PTPRD: variants seen among roughly 807,000 people sequenced by gnomAD.
PTPRD encodes the protein receptor-type tyrosine-protein phosphatase delta.
PTPRD carries 34 observed loss-of-function variants against 214.5 expected under a neutral mutation model. The observed-to-expected ratio is 0.16, with a 90% confidence interval of 0.12 to 0.21. The LOEUF is 0.21. Ranked by LOEUF, PTPRD falls within the 10% of genes least tolerant of loss-of-function variation. The pLI is 1.00. For missense variants in PTPRD, 2,545 were observed against 2,398.7 expected, an observed-to-expected ratio of 1.06 and a Z score of -1.27; for synonymous variants, 1,128 against 845.7, an observed-to-expected ratio of 1.33 and a Z score of -5.79.
At chr9:8,556,965 T>C (rs1294615919) in intron 14 of PTPRD, among the ~76,000 whole-genome samples, 1 of 152,168 alleles carries the variant, frequency 6.6e-6, no homozygotes, top group Non-Finnish European at 1.5e-5. Context: ...AATTCTCCCA[T>C]TATATAAATT....
chr9:9,694,330 C>G (rs997790630), intron 7 of PTPRD, among the ~76,000 whole-genome samples: 1 of 151,898 alleles, frequency 6.6e-6, no homozygotes, highest in East Asian at 1.9e-4. Flanking sequence ...TCTTGGTGGT[C>G]TTGGATAAGA....
intron 2 of PTPRD, among the ~76,000 whole-genome samples, chr9:10,558,440 G>T (rs1287936782): frequency 1.3e-5 from 2 of 152,014 alleles, no homozygotes; most frequent in African/African-American, 4.8e-5. Flanking sequence ...ATCCACCAAG[G>T]AGATGTACCT....
At chr9:9,114,912 A>T (rs1024375062) in intron 10 of PTPRD, among the ~76,000 whole-genome samples, 5 of 152,232 alleles carry the variant, frequency 3.3e-5, no homozygotes, top group African/African-American at 1.2e-4. Context: ...ATTTGAATTT[A>T]AACTGTGCTG....
chr9:10,202,204 C>G (rs1241433849), intron 3 of PTPRD, among the ~76,000 whole-genome samples: 1 of 151,950 alleles, frequency 6.6e-6, no homozygotes, highest in East Asian at 1.9e-4. Context: ...ACCTTAGCCT[C>G]CAAAAGAGAG....
chr9:9,557,981 C>A (rs554979486), intron 8 of PTPRD, among the ~76,000 whole-genome samples: 1 of 152,292 alleles, frequency 6.6e-6, no homozygotes, highest in African/African-American at 2.4e-5. Context: ...CTGCTTGAGC[C>A]AGCAGCCTGC....
intron 4 of PTPRD, among the ~76,000 whole-genome samples, chr9:9,980,883 A>G (rs2154065587): frequency 6.6e-6 from 1 of 152,002 alleles, no homozygotes; most frequent in African/African-American, 2.4e-5. Context: ...TGCTAATTTA[A>G]CCATGTTACA....
intron 5 of PTPRD, among the ~76,000 whole-genome samples, chr9:9,909,894 T>C (rs7870034): frequency 0.019 from 2,890 of 152,050 alleles, 87 homozygotes; most frequent in African/African-American, 0.065. Context: ...TTTTTCTTTA[T>C]AGTAAAGTAA....
intron 7 of PTPRD, among the ~76,000 whole-genome samples, chr9:9,667,919 G>A (rs552622282): frequency 6.6e-6 from 1 of 152,212 alleles, no homozygotes; most frequent in African/African-American, 2.4e-5. Context: ...CTTAGCAATG[G>A]AACAATTACA....
chr9:8,961,278 C>T (rs770799444), intron 11 of PTPRD, among the ~76,000 whole-genome samples: 23 of 152,226 alleles, frequency 1.5e-4, no homozygotes, highest in Non-Finnish European at 2.8e-4. Flanking sequence ...ACATAAAACA[C>T]AATGGTATCT....
intron 10 of PTPRD, among the ~76,000 whole-genome samples, chr9:9,110,517 T>A (rs2099804571): frequency 1.3e-5 from 2 of 152,092 alleles, no homozygotes. Context: ...CACCTCTTCT[T>A]CTCCACTCTT....
intron 30 of PTPRD, among the ~76,000 whole-genome samples, chr9:8,481,712 G>A (rs1225844159): frequency 2.0e-5 from 3 of 152,080 alleles, no homozygotes; most frequent in Non-Finnish European, 2.9e-5. Flanking sequence ...TTGCTTCAAT[G>A]ATTCTGTCTT....
chr9:8,933,199 C>G (rs965088491), intron 11 of PTPRD, among the ~76,000 whole-genome samples: 1 of 152,016 alleles, frequency 6.6e-6, no homozygotes, highest in Non-Finnish European at 1.5e-5. Flanking sequence ...GGGCTGCACC[C>G]ACTCTCTAAC....
intron 2 of PTPRD, among the ~76,000 whole-genome samples, chr9:10,485,631 G>T (rs1044496821): frequency 6.6e-6 from 1 of 151,962 alleles, no homozygotes; most frequent in Non-Finnish European, 1.5e-5. Flanking sequence ...TATTGTCAAT[G>T]AAATTTTTAA....
chr9:8,669,828 G>C (rs1484743780), intron 12 of PTPRD, among the ~76,000 whole-genome samples: 1 of 152,170 alleles, frequency 6.6e-6, no homozygotes, highest in African/African-American at 2.4e-5. Flanking sequence ...ATAATGTAGA[G>C]CCTGTGAAGG....
At chr9:10,145,749 T>A (rs937552098) in intron 3 of PTPRD, among the ~76,000 whole-genome samples, 2 of 152,050 alleles carry the variant, frequency 1.3e-5, no homozygotes, top group African/African-American at 4.8e-5. Flanking sequence ...CACGTATATA[T>A]ACACACACAG....
chr9:8,965,820 T>C (rs754676064), intron 11 of PTPRD, among the ~76,000 whole-genome samples: 1 of 152,200 alleles, frequency 6.6e-6, no homozygotes, highest in South Asian at 2.1e-4. Flanking sequence ...ATAAAAGGCA[T>C]CCAAATAGGA....
At chr9:9,671,612 G>A (rs1024932525) in intron 7 of PTPRD, among the ~76,000 whole-genome samples, 1 of 152,088 alleles carries the variant, frequency 6.6e-6, no homozygotes, top group Admixed American at 6.6e-5. Flanking sequence ...GACCCAGTGG[G>A]AGATAATTTG....
chr9:8,415,444 A>G (rs998679825), intron 35 of PTPRD, among the ~76,000 whole-genome samples: 2 of 152,216 alleles, frequency 1.3e-5, no homozygotes, highest in African/African-American at 4.8e-5. Flanking sequence ...TTCTATAGAC[A>G]TGATTTTTAA....
At chr9:9,825,530 C>T (rs1598881899) in intron 5 of PTPRD, among the ~76,000 whole-genome samples, 1 of 151,970 alleles carries the variant, frequency 6.6e-6, no homozygotes, top group East Asian at 1.9e-4. Flanking sequence ...TGCATATAGA[C>T]ACTGCATACT....
Sources: gnomAD v4.1 joint callset for allele counts (sites outside exome capture counted in the v4.1 genomes callset) on GRCh38, gnomAD v4.1.1 for gene constraint, MANE v1.5 for transcripts, NCBI Gene and HGNC (gene_info 2026-07-23, HGNC 2026-07-21) for gene names.